ABLIM1: variants seen among roughly 807,000 people sequenced by gnomAD.
ABLIM1 encodes the protein actin-binding LIM protein 1.
In ABLIM1, 40 loss-of-function variants were observed where a neutral mutation model predicts 107.0. The observed-to-expected ratio is 0.37, with a 90% CI of 0.29 to 0.49. ABLIM1 has a LOEUF of 0.49. Ranked by LOEUF, ABLIM1 falls within the 20% of genes least tolerant of loss-of-function variation. The pLI is 0.97. For missense variants in ABLIM1, 857 were observed against 1,008.5 expected, an observed-to-expected ratio of 0.85 and a Z score of 2.04; for synonymous variants, 357 against 357.3, an observed-to-expected ratio of 1.00 and a Z score of 0.01.
At chr10:114,714,248 A>G (rs2081613662) in intron 1 of ABLIM1, among the ~76,000 whole-genome samples, 1 of 152,208 alleles carries the variant, frequency 6.6e-6, no homozygotes, top group South Asian at 2.1e-4. Flanking sequence ...CAGACTGAAC[A>G]TCTCATTTTA....
At chr10:114,677,882 T>C (rs1415821093) in intron 1 of ABLIM1, among the ~76,000 whole-genome samples, 1 of 152,236 alleles carries the variant, frequency 6.6e-6, no homozygotes, top group Non-Finnish European at 1.5e-5. Flanking sequence ...CTGTTCATTT[T>C]GTAACAGTAT....
intron 1 of ABLIM1, among the ~76,000 whole-genome samples, chr10:114,656,597 A>G (rs942204715): frequency 6.6e-6 from 1 of 152,172 alleles, no homozygotes; most frequent in Non-Finnish European, 1.5e-5. Flanking sequence ...ATCTGACACG[A>G]AAAAAGAAAA....
chr10:114,741,216 CTTTTTT>C (rs751287379), intron 1 of ABLIM1, among the ~76,000 whole-genome samples: 1 of 59,874 alleles, frequency 1.7e-5, no homozygotes, highest in African/African-American at 6.9e-5. Context: ...GACTATTCTT[CTTTTTT>C]TTTTTTTTTT....
intron 8 of ABLIM1, among the ~76,000 whole-genome samples, chr10:114,485,609 C>G (rs2058078198): frequency 6.6e-6 from 1 of 152,140 alleles, no homozygotes; most frequent in Non-Finnish European, 1.5e-5. Context: ...CTCCAACCTC[C>G]TTCAATTCCT....
intron 1 of ABLIM1, among the ~76,000 whole-genome samples, chr10:114,762,159 C>T (rs908474507): frequency 6.6e-6 from 1 of 152,074 alleles, no homozygotes; most frequent in Non-Finnish European, 1.5e-5. Context: ...CAGCCTCCCA[C>T]ATAGCTGAGA....
chr10:114,599,822 TAAATA>T (rs1333221160), intron 2 of ABLIM1, among the ~76,000 whole-genome samples: 1 of 150,774 alleles, frequency 6.6e-6, no homozygotes, highest in Non-Finnish European at 1.5e-5. Context: ...TAAAATAGAA[TAAATA>T]AAATAAAAAA....
At chr10:114,757,998 TA>T (rs199873152) in intron 1 of ABLIM1, among the ~76,000 whole-genome samples, 2,325 of 152,202 alleles carry the variant, frequency 0.015, 46 homozygotes, top group African/African-American at 0.052. Context: ...TCTCACTGCC[TA>T]AAAAACTCTT....
At chr10:114,670,502 T>C (rs2080204905) in intron 1 of ABLIM1, among the ~76,000 whole-genome samples, 1 of 152,190 alleles carries the variant, frequency 6.6e-6, no homozygotes, top group South Asian at 2.1e-4. Flanking sequence ...TCTTTTTTTG[T>C]TTTTTGTCTG....
At position 114,719,368 on chromosome 10, in the gene ABLIM1, CG is replaced by C. The variant is rs1022786273; in HGVS notation, c.-213+48692del. On this transcript the variant is annotated intron_variant, in intron 1 of 15. Coordinates refer to the ABLIM1 transcript ENST00000651092. ...GAGAAGGAGGATCTCTATTCACCTACGAACTGAAGGACCTTGTCCAGGGTTA... is the reference window on the plus strand; with the variant it reads ...GAGAAGGAGGATCTCTATTCACCTACAACTGAAGGACCTTGTCCAGGGTTA... Among the ~76,000 whole-genome samples the C allele has an allele frequency of 3.9e-4, 59 of 152,162 alleles. 1 individual carries two copies. Among genetic ancestry groups the C allele is most frequent in the Admixed American group, 2.7e-3 (41 of 15,282 alleles).
intron 6 of ABLIM1, among the ~76,000 whole-genome samples, chr10:114,538,648 C>T (rs531736751): frequency 1.1e-4 from 17 of 152,328 alleles, no homozygotes; most frequent in African/African-American, 3.8e-4. Context: ...AAAGGGAAAT[C>T]GTGGGACTCA....
upstream of ABLIM1, among the ~76,000 whole-genome samples, chr10:114,685,349 A>T (rs1416256253): frequency 6.6e-6 from 1 of 152,186 alleles, no homozygotes; most frequent in Non-Finnish European, 1.5e-5. Context: ...TCCAATAAAG[A>T]TGTAACCAGC....
rs2247528 is a variant in ABLIM1 at position 114,547,745 on chromosome 10, A to C, written c.705T>G (p.Asn235Lys). ...TATCCAGCGCCAGCAGCGCCTGCCCATTCTTGATATCTCTTCCGCAGCCGG... is the reference window on the plus strand; with the variant it reads ...TATCCAGCGCCAGCAGCGCCTGCCCCTTCTTGATATCTCTTCCGCAGCCGG... ...NCAGCGRDIK[N>K]GQALLALDKQ... The change falls in exon 5 of 23, where the codon AAT (asparagine) becomes AAG (lysine). Residue 235 changes from asparagine to lysine, a missense_variant. Physicochemically the swap from Asn to Lys is moderately conservative, Grantham distance 94. This residue lies in a region of ABLIM1 where 381 missense variants were observed against 506.9 expected (regional missense o/e 0.75). Transcript: ENST00000533213. 1 of 1,611,818 alleles carries C rather than the reference A, an allele frequency of 6.2e-7. No individual in the cohort carries two copies. Among genetic ancestry groups the C allele is most frequent in the Non-Finnish European group, 8.5e-7 (1 of 1,179,968 alleles).
At chr10:114,606,904 C>T (rs944920845) in intron 1 of ABLIM1, among the ~76,000 whole-genome samples, 1 of 152,178 alleles carries the variant, frequency 6.6e-6, no homozygotes, top group Non-Finnish European at 1.5e-5. Context: ...AGAATAATCC[C>T]CTAATTACCA....
At chr10:114,677,607 T>C (rs954976712) in intron 1 of ABLIM1, among the ~76,000 whole-genome samples, 3 of 152,108 alleles carry the variant, frequency 2.0e-5, no homozygotes, top group African/African-American at 7.2e-5. Flanking sequence ...ACCCCGTCTC[T>C]ACCAAAAGAT....
intron 1 of ABLIM1, among the ~76,000 whole-genome samples, chr10:114,739,611 T>A (rs577517192): frequency 5.0e-4 from 76 of 152,328 alleles, no homozygotes; most frequent in South Asian, 1.4e-3. Flanking sequence ...TTTAAAAAAA[T>A]TTCCCATCAT....
At chr10:114,631,681 T>C (rs1044854705) in intron 1 of ABLIM1, among the ~76,000 whole-genome samples, 2 of 151,984 alleles carry the variant, frequency 1.3e-5, no homozygotes, top group Non-Finnish European at 2.9e-5. Flanking sequence ...AGAGCTCAGC[T>C]GTGCTCCAGA....
chr10:114,602,046 T>G, intron 1 of ABLIM1, 85 bp from the exon 2 acceptor site: 1 of 1,548,808 alleles, frequency 6.5e-7, no homozygotes, highest in East Asian at 2.3e-5. Flanking sequence ...AATTTTGGTG[T>G]CAAATGAGCC....
intron 1 of ABLIM1, among the ~76,000 whole-genome samples, chr10:114,638,418 G>A (rs944129388): frequency 6.6e-6 from 1 of 152,060 alleles, no homozygotes; most frequent in African/African-American, 2.4e-5. Context: ...ACCATTAGAG[G>A]CCAGTATGTG....
chr10:114,511,376 T>G (rs2061850928), intron 6 of ABLIM1, among the ~76,000 whole-genome samples: 1 of 151,800 alleles, frequency 6.6e-6, no homozygotes, highest in Non-Finnish European at 1.5e-5. Context: ...TTAAAAAAAT[T>G]TTTTTTTGAG....
Sources: allele counts gnomAD v4.1 joint callset (sites outside exome capture counted in the v4.1 genomes callset), GRCh38; gene constraint gnomAD v4.1.1; regional missense constraint gnomAD v4.1.1; transcripts MANE v1.5; gene names NCBI Gene and HGNC (gene_info 2026-07-23, HGNC 2026-07-21).